TBCCD1: variants seen among roughly 807,000 people sequenced by gnomAD.
TBCCD1 encodes TBCC domain containing 1.
TBCCD1 carries 26 observed loss-of-function variants against 53.4 expected under a neutral mutation model. The ratio of observed to expected loss-of-function variants is 0.49; its 90% CI spans 0.36 to 0.68. The LOEUF is 0.68. Ranked by LOEUF, TBCCD1 falls within the 30% of genes least tolerant of loss-of-function variation. The pLI is 0.00. For missense variants in TBCCD1, 558 were observed against 669.5 expected (o/e 0.83, Z 1.84); for synonymous variants, 245 against 241.7 (o/e 1.01, Z -0.13).
chr3:186,558,765 A>T (rs558854323), intron 2 of TBCCD1, among the ~76,000 whole-genome samples, 193 bp from the exon 3 acceptor site: 1 of 151,918 alleles, frequency 6.6e-6, no homozygotes, highest in African/African-American at 2.4e-5. Flanking sequence ...TTTGAGACAG[A>T]GTTTCACTCT....
Position 186,558,444 on chromosome 3 carries a change from C to G in TBCCD1, c.465G>C (p.Leu155=). The change falls in exon 3 of 8, where the codon CTG becomes CTC. Residue 155 remains leucine, a synonymous_variant. Coordinates refer to ENST00000338733, the MANE Select transcript of TBCCD1 (RefSeq NM_018138.5). ...TATTATGACAATTAGATTTTTCAGT[C>G]AGGTCAGGAGACTGAGATTTGTTTC... ...SPRNKSQSPD[L]TEKSNCHNKN... 6.2e-7 allele frequency: 1 copy of G among 1,613,710 alleles called. No individual in the cohort carries two copies. The highest frequency in any genetic ancestry group is 8.5e-7 in the Non-Finnish European group (1 of 1,179,834).
Position 186,556,545 on chromosome 3 carries a change from A to G in TBCCD1, c.723T>C (p.Asp241=), listed in dbSNP as rs141361194. The change falls in exon 4 of 8, where the codon GAT becomes GAC. Residue 241 remains aspartate, a synonymous_variant. Transcript: ENST00000338733. ...TCTTAGAGATCTTTGAGAAGCCACTATCTGCATGCAGTGGTTGCCACAGTG... is the reference window on the plus strand; with the variant it reads ...TCTTAGAGATCTTTGAGAAGCCACTGTCTGCATGCAGTGGTTGCCACAGTG... ...ELALWQPLHA[D]SGFSKISKTF... is the part of the protein sequence containing the mutation. 13 of 1,613,906 alleles carry G rather than the reference A, an allele frequency of 8.1e-6. No individual in the cohort carries two copies. The highest frequency in any genetic ancestry group is 1.7e-4 in the Middle Eastern group (1 of 6,046).
chr3:186,559,304 G>A (rs920413004), intron 2 of TBCCD1, among the ~76,000 whole-genome samples: 1 of 152,192 alleles, frequency 6.6e-6, no homozygotes, highest in Non-Finnish European at 1.5e-5. Context: ...TGTCAAGAAA[G>A]TTTAGGATAC....
intron 1 of TBCCD1, among the ~76,000 whole-genome samples, chr3:186,566,320 C>G (rs1339342339): frequency 6.6e-6 from 1 of 152,164 alleles, no homozygotes; most frequent in South Asian, 2.1e-4. Flanking sequence ...GGATTACAGG[C>G]GTGACCCACC....
upstream of TBCCD1, chr3:186,570,505 G>A: frequency 2.0e-6 from 1 of 495,604 alleles, no homozygotes; most frequent in Non-Finnish European, 3.5e-6. Flanking sequence ...CGGTAGCTCA[G>A]GCAGAGCGGG....
At position 186,566,803 on chromosome 3, in the gene TBCCD1, T is replaced by C. The variant is rs535304803; in HGVS notation, c.-44+464A>G. On this transcript the variant is annotated intron_variant, in intron 1 of 7. Coordinates refer to ENST00000338733, the MANE Select transcript of TBCCD1 (RefSeq NM_018138.5). ...CCAATGTGGAGAGACTGGAGTCGTT[T>C]TGAGTAAAACCAGACGATAAAAGTT... 5.9e-5 allele frequency among the ~76,000 whole-genome samples: 9 copies of C among 152,276 alleles called. No individual in the cohort carries two copies. The South Asian group carries it at 6.2e-4, about 11-fold the overall frequency.
At chr3:186,560,389 A>G (rs1048465063) in intron 2 of TBCCD1, among the ~76,000 whole-genome samples, 1 of 152,208 alleles carries the variant, frequency 6.6e-6, no homozygotes, top group African/African-American at 2.4e-5. Context: ...TGACCCTATA[A>G]GGCAGAGACT....
upstream of TBCCD1, chr3:186,570,383 G>C (rs3806712): frequency 0.22 from 104,416 of 480,308 alleles, 14,079 homozygotes; most frequent in African/African-American, 0.49. Flanking sequence ...TGGGGAGGAA[G>C]CTCCTGATTG....
intron 6 of TBCCD1, among the ~76,000 whole-genome samples, chr3:186,552,013 A>ATAAAAATAT (rs1714396126): frequency 2.6e-5 from 4 of 152,228 alleles, no homozygotes; most frequent in Non-Finnish European, 5.9e-5. Flanking sequence ...AATACAATAA[A>ATAAAAATAT]AATATAATAT....
At chr3:186,547,712 T>A (rs2108451450) in intron 7 of TBCCD1, among the ~76,000 whole-genome samples, 1 of 151,730 alleles carries the variant, frequency 6.6e-6, no homozygotes, top group East Asian at 2.0e-4. Flanking sequence ...GTTCACGCCA[T>A]TCTCCTGCCT....
At chr3:186,563,895 T>C (rs904132698) in intron 2 of TBCCD1, 99 bp downstream of exon 2, 1 of 1,381,130 alleles carries the variant, frequency 7.2e-7, no homozygotes. Context: ...GAAACTCTGT[T>C]TCTATCTAAA....
intron 4 of TBCCD1, 83 bp downstream of exon 4, chr3:186,556,326 C>G: frequency 6.7e-7 from 1 of 1,486,070 alleles, no homozygotes; most frequent in Non-Finnish European, 9.0e-7. Flanking sequence ...CTAGAGAAGA[C>G]ACGAGATCAC....
At position 186,551,220 on chromosome 3, in the gene TBCCD1, T is replaced by C; in HGVS notation, c.1604A>G (p.Asn535Ser). The change falls in exon 7 of 8, where the codon AAT (asparagine) becomes AGT (serine). Residue 535 changes from asparagine to serine, a missense_variant. By Grantham distance (46) the Asn-to-Ser change is conservative. Coordinates refer to ENST00000338733, the MANE Select transcript of TBCCD1 (RefSeq NM_018138.5). ...VENKFYEWLINTGHRQQLDSL... is the reference protein window; with the variant it reads ...VENKFYEWLISTGHRQQLDSL... ...GTCCAGCTGTTGGCGATGTCCTGTATTAATCAACCATTCATAAAACTTGTT... is the reference window on the plus strand; with the variant it reads ...GTCCAGCTGTTGGCGATGTCCTGTACTAATCAACCATTCATAAAACTTGTT... 1 of 1,613,528 alleles carries C rather than the reference T, an allele frequency of 6.2e-7. No individual in the cohort carries two copies. Among genetic ancestry groups the C allele is most frequent in the Non-Finnish European group, 8.5e-7 (1 of 1,180,016 alleles).
At chr3:186,547,502 C>T (rs1305121037) in intron 7 of TBCCD1, among the ~76,000 whole-genome samples, 3 of 152,078 alleles carry the variant, frequency 2.0e-5, no homozygotes, top group Non-Finnish European at 4.4e-5. Flanking sequence ...GTGATCCTCT[C>T]ACCTCAGCCT....
Position 186,547,707 on chromosome 3 carries a change from C to T in TBCCD1, c.*22-752G>A, listed in dbSNP as rs957331156. On this transcript the variant is annotated intron_variant, in intron 7 of 7. Coordinates refer to ENST00000338733, the MANE Select transcript of TBCCD1 (RefSeq NM_018138.5). Reference sequence around the variant, plus strand: ...CTGCAAGCTTCGCCTCCAAGGTTCACGCCATTCTCCTGCCTCAGCCTCCTG... The same window carrying T: ...CTGCAAGCTTCGCCTCCAAGGTTCATGCCATTCTCCTGCCTCAGCCTCCTG... Among the ~76,000 whole-genome samples the T allele has an allele frequency of 3.3e-5, 5 of 151,136 alleles. No homozygotes were observed. The South Asian group carries it at 6.3e-4, about 19-fold the overall frequency.
At chr3:186,548,531 G>C (rs995708426) in intron 7 of TBCCD1, among the ~76,000 whole-genome samples, 1 of 152,176 alleles carries the variant, frequency 6.6e-6, no homozygotes, top group Non-Finnish European at 1.5e-5. Flanking sequence ...ATAATGTTAT[G>C]TGGTAATATT....
At chr3:186,562,244 C>A (rs1442060818) in intron 2 of TBCCD1, among the ~76,000 whole-genome samples, 1 of 152,164 alleles carries the variant, frequency 6.6e-6, no homozygotes, top group Non-Finnish European at 1.5e-5. Context: ...ACTCAGGAGG[C>A]TGAGGTGGAA....
At chr3:186,551,075 T>C (rs547409552) in intron 7 of TBCCD1, 54 bp downstream of exon 7, 2 of 1,560,224 alleles carry the variant, frequency 1.3e-6, no homozygotes, top group Admixed American at 2.0e-5. Context: ...GCCTTTTTTT[T>C]ATGCTTGAAA....
chr3:186,570,312 T>A (rs1288893028), upstream of TBCCD1: 11 of 537,996 alleles, frequency 2.0e-5, no homozygotes, highest in Admixed American at 3.2e-5. Context: ...CGTAGCTGGG[T>A]ATGAATGAAA....
Sources: gnomAD v4.1 joint callset for allele counts (sites outside exome capture counted in the v4.1 genomes callset) on GRCh38, gnomAD v4.1.1 for gene constraint, MANE v1.5 for transcripts, NCBI Gene and HGNC (gene_info 2026-07-23, HGNC 2026-07-21) for gene names.